Variants in EHMT1 observed in about 807,000 individuals in gnomAD.
The protein encoded by EHMT1 is euchromatic histone lysine methyltransferase 1.
Under a neutral mutation model 147.2 loss-of-function variants are expected in EHMT1, and 15 were observed. The observed-to-expected ratio is 0.10, with a 90% CI of 0.07 to 0.16. The LOEUF (loss-of-function observed/expected upper bound fraction) is 0.16, where lower values mean the gene tolerates loss of function less well. EHMT1 is among the 10% of genes least tolerant of loss of function. EHMT1 has a pLI of 1.00. For missense variants in EHMT1, 1,587 were observed against 1,772.4 expected (o/e 0.90, Z 1.88); for synonymous variants, 795 against 709.6 (o/e 1.12, Z -1.91).
At position 137,813,167 on chromosome 9, in the gene EHMT1, T is replaced by G. The variant is rs2137714971; in HGVS notation, c.3029T>G (p.Val1010Gly). The G allele has an allele frequency of 6.2e-7, 1 of 1,609,074 alleles. No individual in the cohort carries two copies. The highest frequency in any genetic ancestry group is 1.7e-5 in the Admixed American group (1 of 60,012). Residue 1010 changes from valine (V) to glycine (G), a missense_variant, in exon 20 of 27, where the codon GTG (valine) becomes GGG (glycine). Coordinates refer to ENST00000460843, the MANE Select transcript of EHMT1 (RefSeq NM_024757.5). The surrounding 1 kb of genome is among the most constrained non-coding windows in gnomAD (Gnocchi z 4.9). The part of the protein sequence containing the change: ...PDRPSPVERI[V>G]SRDIARGYER... ...AGGCCCAGCCCCGTGGAGAGGATAG[T>G]GAGCAGGTGAGCCCAGCCCCAGGAC...
chr9:137,738,397 A>G (rs920425527), intron 4 of EHMT1, among the ~76,000 whole-genome samples: 1 of 152,202 alleles, frequency 6.6e-6, no homozygotes, highest in Non-Finnish European at 1.5e-5. Flanking sequence ...CTATCAAAAC[A>G]GAAAATGGCA....
rs541666363 is a variant in EHMT1, at chr9:137,813,310, C to T, written c.3036-76C>T. 3.6e-5 allele frequency: 57 copies of T among 1,563,108 alleles called. No homozygotes were observed. The highest frequency in any genetic ancestry group is 5.6e-5 in the Admixed American group (3 of 53,626). On this transcript the variant is annotated intron_variant, in intron 20 of 26. Coordinates refer to ENST00000460843, the MANE Select transcript of EHMT1 (RefSeq NM_024757.5). The surrounding 1 kb of genome is among the most constrained non-coding windows in gnomAD (Gnocchi z 4.9). ...TTGTCAGGGCCAGGTGTTTGCCAGC[C>T]GCCCCACTGCACGCTGTGCCACCCC...
chr9:137,757,936 A>G lies in EHMT1; in HGVS notation c.1426A>G (p.Ser476Gly). The G allele has an allele frequency of 6.2e-7, 1 of 1,614,140 alleles. No homozygotes were observed. The highest frequency in any genetic ancestry group is 8.5e-7 in the Non-Finnish European group (1 of 1,180,030). The change falls in exon 9 of 27, where the codon AGC (serine) becomes GGC (glycine). Residue 476 changes from serine (S) to glycine (G), a missense_variant. By Grantham distance (56) the Ser-to-Gly change is moderately conservative. Transcript: ENST00000460843. ...GSAEQTAPGD[S>G]TGYMEVSLDS... The stretch of plus-strand genomic sequence containing the variant: ...CGCTGAGCAGACGGCACCAGGAGAC[A>G]GCACAGGGTACATGGAAGTTTCTCT...
At chr9:137,802,813 G>T in intron 18 of EHMT1, 2 of 1,231,920 alleles carry the variant, frequency 1.6e-6, no homozygotes, top group East Asian at 3.2e-5. Context: ...TATCCAGGGG[G>T]TTTCTACCTC....
chr9:137,713,159 G>A (rs1243622831), intron 2 of EHMT1, among the ~76,000 whole-genome samples: 1 of 151,826 alleles, frequency 6.6e-6, no homozygotes, highest in Admixed American at 6.6e-5. Context: ...GCTGGAGTGT[G>A]ATCATGGCTT....
At chr9:137,745,493 A>G (rs992023963) in intron 6 of EHMT1, 9 of 398,542 alleles carry the variant, frequency 2.3e-5, no homozygotes, top group Non-Finnish European at 3.1e-5. Context: ...AAGAAAACAC[A>G]GCATCATCAC....
chr9:137,747,008 C>T (rs1196749636), intron 6 of EHMT1: 3 of 152,146 alleles, frequency 2.0e-5, no homozygotes, highest in Non-Finnish European at 4.4e-5. Flanking sequence ...GCAGGAACAG[C>T]CTTAACTAGA....
chr9:137,834,543 C>T lies in EHMT1; in HGVS notation c.3716+19C>T. 6.2e-7 allele frequency: 1 copy of T among 1,608,776 alleles called. No individual in the cohort carries two copies. Among genetic ancestry groups the T allele is most frequent in the Non-Finnish European group, 8.5e-7 (1 of 1,179,316 alleles). On this transcript the variant is annotated intron_variant, in intron 26 of 26. Coordinates refer to ENST00000460843, the MANE Select transcript of EHMT1 (RefSeq NM_024757.5). ...AGCTCGGGTACGCACCGCCCCGGCC[C>T]CTGGCCATCTCCGCTGCCGGCGGGA...
At position 137,732,961 on chromosome 9, in the gene EHMT1, A is replaced by G. The variant is rs945318831; in HGVS notation, c.823+4432A>G. ...CTCCTGCTACCCCCTTAAGTTTACC[A>G]CAGGCAGGAAAGAAGAGCAGAGTCA... On this transcript the variant is annotated intron_variant, in intron 4 of 26. Coordinates refer to ENST00000460843, the MANE Select transcript of EHMT1 (RefSeq NM_024757.5). This position sits in a 1 kb window ranked among gnomAD's most constrained non-coding sequence, Gnocchi z 4.6. Among the ~76,000 whole-genome samples, 1 of 152,194 alleles carries G rather than the reference A, an allele frequency of 6.6e-6. No individual in the cohort carries two copies. The highest frequency in any genetic ancestry group is 1.5e-5 in the Non-Finnish European group (1 of 68,044).
In EHMT1 at chr9:137,675,106, C is replaced by T. The variant is rs959198789; in HGVS notation, c.22-35861C>T. 4.6e-5 allele frequency: 7 copies of T among 152,302 alleles called. No homozygotes were observed. In the East Asian group the frequency reaches 9.6e-4, roughly 21 times the overall value. The allele number at this position is 152,302 out of a possible 1,614,324, so 9.4% of individuals were successfully genotyped here. Reference sequence around the variant, plus strand: ...GCTGGGCTGGATTTGGCCCGGGGGCCGCACGCCTGGCCTAGATTGCTGTAG... The same window carrying T: ...GCTGGGCTGGATTTGGCCCGGGGGCTGCACGCCTGGCCTAGATTGCTGTAG... On this transcript the variant is annotated intron_variant, in intron 1 of 26. Transcript: ENST00000460843.
intron 9 of EHMT1, among the ~76,000 whole-genome samples, chr9:137,759,990 C>T (rs565517886): frequency 6.6e-6 from 1 of 152,270 alleles, no homozygotes; most frequent in South Asian, 2.1e-4. Context: ...AAGTCCTCTC[C>T]GTATGCATTC....
At chr9:137,777,815 C>CA in intron 12 of EHMT1, 67 bp from the exon 13 acceptor site, 1 of 1,596,558 alleles carries the variant, frequency 6.3e-7, no homozygotes, top group South Asian at 1.1e-5. Flanking sequence ...CGCTCTCGGG[C>CA]AGTCAGAGTC....
At position 137,803,064 on chromosome 9, in the gene EHMT1, C is replaced by G. The variant is rs964924988; in HGVS notation, c.2712+2080C>G. 30 of 1,230,354 alleles carry G rather than the reference C, an allele frequency of 2.4e-5. No individual in the cohort carries two copies. The African/African-American group carries it at 4.5e-4, about 18-fold the overall frequency. 76.2% of individuals were successfully genotyped at this position (1,230,354 alleles called of 1,614,324 possible). On this transcript the variant is annotated intron_variant, in intron 18 of 26. Transcript: ENST00000460843. ...AGACTGCGTGGCGGGGAAGGCGGCC[C>G]TAGTGTGGCTGGTCGGCCTGCATGC...
chr9:137,688,529 G>C (rs1057316145), intron 1 of EHMT1, among the ~76,000 whole-genome samples: 1 of 152,162 alleles, frequency 6.6e-6, no homozygotes, highest in Non-Finnish European at 1.5e-5. Flanking sequence ...GGAGGCTCTT[G>C]AAATGATCAC....
At chr9:137,832,456 C>T (rs1469386961) in intron 25 of EHMT1, among the ~76,000 whole-genome samples, 5 of 150,122 alleles carry the variant, frequency 3.3e-5, no homozygotes, top group Non-Finnish European at 7.4e-5. Context: ...GCTGGTCTCC[C>T]TCAGGCCCCG....
At chr9:137,651,996 G>T (rs755875448) in intron 1 of EHMT1, among the ~76,000 whole-genome samples, 4 of 152,178 alleles carry the variant, frequency 2.6e-5, no homozygotes, top group Non-Finnish European at 4.4e-5. Flanking sequence ...ACTGGTGTAT[G>T]TAGTTACTAT....
intron 8 of EHMT1, 40 bp downstream of exon 8, chr9:137,754,331 T>A (rs1159371444): frequency 6.2e-7 from 1 of 1,611,064 alleles, no homozygotes; most frequent in Non-Finnish European, 8.5e-7. Context: ...GGGGACTGCC[T>A]GGGAGGGGAT....
At chr9:137,647,608 T>C (rs1844993076) in intron 1 of EHMT1, among the ~76,000 whole-genome samples, 1 of 151,166 alleles carries the variant, frequency 6.6e-6, no homozygotes, top group Non-Finnish European at 1.5e-5. Flanking sequence ...TTTTTTTTTT[T>C]TTTTGAGATG....
intron 1 of EHMT1, among the ~76,000 whole-genome samples, chr9:137,709,041 A>G (rs188397507): frequency 6.6e-6 from 1 of 152,322 alleles, no homozygotes; most frequent in Non-Finnish European, 1.5e-5. Flanking sequence ...CTGCTGGTCA[A>G]GAGTTCAGTT....
Sources: gnomAD v4.1 joint callset for allele counts (sites outside exome capture counted in the v4.1 genomes callset) on GRCh38, gnomAD v4.1.1 for gene constraint, Gnocchi (gnomAD v3.1) non-coding constraint, MANE v1.5 for transcripts, NCBI Gene and HGNC (gene_info 2026-07-23, HGNC 2026-07-21) for gene names.